Variants in CEP104 observed in about 807,000 individuals in gnomAD.
CEP104 encodes the protein centrosomal protein of 104 kDa.
Under a neutral mutation model 113.3 loss-of-function variants are expected in CEP104, and 84 were observed. That is an observed-to-expected ratio of 0.74 (90% CI 0.62 to 0.89). CEP104 has a LOEUF of 0.89. Ranked by LOEUF, CEP104 falls within the 40% of genes least tolerant of loss-of-function variation. The probability of loss-of-function intolerance (pLI) is 0.00; values close to 1 mark genes in which losing one functional copy is unlikely to be tolerated. For synonymous variants in CEP104, 378 were observed against 421.7 expected (o/e 0.90, Z 1.27); for missense variants, 1,053 against 1,156.6 (o/e 0.91, Z 1.30).
At chr1:3,827,950 G>A (rs143775698) in intron 15 of CEP104, among the ~76,000 whole-genome samples, 255 of 152,256 alleles carry the variant, frequency 1.7e-3, no homozygotes, top group African/African-American at 5.6e-3. Flanking sequence ...CATAAACACC[G>A]AGCCAATGAG....
At chr1:3,840,703 T>C (rs2124679606) in intron 6 of CEP104, among the ~76,000 whole-genome samples, 1 of 152,254 alleles carries the variant, frequency 6.6e-6, no homozygotes, top group South Asian at 2.1e-4. Flanking sequence ...CATGCCTGGC[T>C]AATTTTTTGT....
Position 3,823,324 on chromosome 1 carries a change from T to C in CEP104, c.2504-83A>G, listed in dbSNP as rs1570774461. ...TGCTGGCCTGCCCGCAGGTGCCCTT[T>C]AATTCACCAAGCCCTTGCACAGGCT... On this transcript the variant is annotated intron_variant, in intron 19 of 21. Coordinates refer to ENST00000378230, the MANE Select transcript of CEP104 (RefSeq NM_014704.4). The surrounding 1 kb of genome is among the most constrained non-coding windows in gnomAD (Gnocchi z 4.1). 1.6e-5 allele frequency: 26 copies of C among 1,609,984 alleles called. No homozygotes were observed. In the South Asian group the frequency reaches 2.7e-4, roughly 17 times the overall value.
chr1:3,839,546 C>A, intron 7 of CEP104, 62 bp downstream of exon 7: 1 of 1,424,964 alleles, frequency 7.0e-7, no homozygotes, highest in East Asian at 2.3e-5. Context: ...TGTAGTTATT[C>A]TAAGTATACA....
chr1:3,837,597 T>G lies in CEP104; in HGVS notation c.892-78A>C. On this transcript the variant is annotated intron_variant, in intron 8 of 21. Coordinates refer to ENST00000378230, the MANE Select transcript of CEP104 (RefSeq NM_014704.4). ...TATCTATCTCATTCCTTCAGATGAA[T>G]AAGACTTTAGAAAGCTGTGCTGGAA... 3 of 1,266,732 alleles carry G rather than the reference T, an allele frequency of 2.4e-6. No individual in the cohort carries two copies. In the South Asian group the frequency reaches 3.9e-5, roughly 17 times the overall value. 78.5% of individuals were successfully genotyped at this position (1,266,732 alleles called of 1,614,324 possible). A position where few individuals can be genotyped will look rare whatever the true frequency, so the allele number is the denominator to read the frequency against.
At chr1:3,838,906 C>T in intron 8 of CEP104, 58 bp downstream of exon 8, 1 of 1,579,352 alleles carries the variant, frequency 6.3e-7, no homozygotes, top group Non-Finnish European at 8.7e-7. Context: ...GTGAACCACA[C>T]AGTTGAATCT....
chr1:3,822,199 A>G (rs1384672954), intron 20 of CEP104, among the ~76,000 whole-genome samples: 1 of 149,644 alleles, frequency 6.7e-6, no homozygotes, highest in Non-Finnish European at 1.5e-5. Context: ...GTACTCTGTG[A>G]TGCATTTCAA....
intron 15 of CEP104, among the ~76,000 whole-genome samples, chr1:3,828,749 A>G (rs370013522): frequency 5.0e-4 from 76 of 152,282 alleles, no homozygotes; most frequent in African/African-American, 1.7e-3. Flanking sequence ...AATTAGTGTT[A>G]TGAAGCTAAT....
rs753327824 is a variant in CEP104, at chr1:3,833,938, C to G, written c.1583G>C (p.Arg528Thr). Reference protein sequence around the residue: ...SKLETAHCVERTIPVLLTRTG... With the variant: ...SKLETAHCVETTIPVLLTRTG... ...TCTGGTGAGCAAAACGGGAATGGTC[C>G]TCTCCACACAGTGAGCTGTTTCAAG... is the stretch of plus-strand genomic sequence containing the variant. The change falls in exon 12 of 22, where the codon AGG (arginine) becomes ACG (threonine). Residue 528 changes from arginine to threonine, a missense_variant. Transcript: ENST00000378230. 5.9e-5 allele frequency: 96 copies of G among 1,614,010 alleles called. No homozygotes were observed. In the Admixed American group the frequency reaches 1.5e-3, roughly 25 times the overall value.
At chr1:3,853,659 T>C (rs1644658663) in intron 1 of CEP104, among the ~76,000 whole-genome samples, 1 of 152,232 alleles carries the variant, frequency 6.6e-6, no homozygotes, top group East Asian at 1.9e-4. Flanking sequence ...TCTTGGAATG[T>C]ATGAACAAAA....
At chr1:3,841,770 C>G (rs913372040) in intron 6 of CEP104, among the ~76,000 whole-genome samples, 2 of 152,236 alleles carry the variant, frequency 1.3e-5, no homozygotes, top group African/African-American at 4.8e-5. Context: ...GCCATCCCAC[C>G]TGGCTGATTG....
chr1:3,816,267 C>T lies in CEP104; in HGVS notation c.2662+13G>A, dbSNP rs369179178. On this transcript the variant is annotated intron_variant, in intron 21 of 21. Transcript: ENST00000378230. ...GATGCAGACTACACCTGCTCAGCGG[C>T]GCTGTCCCTCACCTGGCTGCAGTGC... The T allele has an allele frequency of 3.1e-5, 48 of 1,548,838 alleles. No homozygotes were observed. Among genetic ancestry groups the T allele is most frequent in the Admixed American group, 9.8e-5 (5 of 50,778 alleles).
intron 11 of CEP104, 114 bp downstream of exon 11, chr1:3,834,811 T>G: frequency 1.1e-6 from 1 of 882,908 alleles, no homozygotes; most frequent in Non-Finnish European, 1.7e-6. Context: ...GAGTTACAGT[T>G]GGTGACCACG....
rs1287707112 is a variant in CEP104 at position 3,857,007 on chromosome 1, C to G, written c.-133G>C. 4 of 152,102 alleles carry G rather than the reference C, an allele frequency of 2.6e-5. No homozygotes were observed. The highest frequency in any genetic ancestry group is 9.6e-5 in the African/African-American group (4 of 41,520). 9.4% of individuals were successfully genotyped at this position (152,102 alleles called of 1,614,324 possible). A position where few individuals can be genotyped will look rare whatever the true frequency, so the allele number is the denominator to read the frequency against. On this transcript the variant is annotated 5_prime_UTR_variant, in exon 1 of 22. Transcript: ENST00000378230. ...AGGCGGCGCCTCAGCACCCGGACCC[C>G]AGGGGCGTGCGGGACCCGGCTCTCG...
intron 11 of CEP104, among the ~76,000 whole-genome samples, chr1:3,834,440 T>A (rs1444021477): frequency 1.3e-5 from 2 of 151,096 alleles, no homozygotes; most frequent in Admixed American, 6.6e-5. Flanking sequence ...GTATCTAACA[T>A]CCCTGCTTCA....
rs6702935 is a variant in CEP104, at chr1:3,816,143, T to C, written c.2662+137A>G. The stretch of plus-strand genomic sequence containing the variant: ...GCCTGCTTACTAAGGAACCAGAACA[T>C]GAAGACAGGCTTGGATGCTTTATTT... On this transcript the variant is annotated intron_variant, in intron 21 of 21. Transcript: ENST00000378230. 0.59 allele frequency: 411,307 copies of C among 696,150 alleles called. 124,789 individuals carry two copies. The highest frequency in any genetic ancestry group is 0.86 in the African/African-American group (47,058 of 54,600). The allele number at this position is 696,150 out of a possible 1,614,324, so 43.1% of individuals were successfully genotyped here. A position where few individuals can be genotyped will look rare whatever the true frequency, so the allele number is the denominator to read the frequency against.
chr1:3,832,841 C>T (rs934322629), intron 12 of CEP104, among the ~76,000 whole-genome samples: 7 of 152,042 alleles, frequency 4.6e-5, no homozygotes, highest in Admixed American at 6.6e-5. Context: ...TCAGCATGCC[C>T]GGCTAATTTT....
At chr1:3,825,945 A>G in intron 17 of CEP104, 79 bp from the exon 18 acceptor site, 2 of 964,476 alleles carry the variant, frequency 2.1e-6, no homozygotes, top group Non-Finnish European at 3.3e-6. Context: ...GTCACGAGGA[A>G]ATTCTGAATT....
At chr1:3,830,979 TCGCCACGCTC>T in intron 13 of CEP104, 57 bp downstream of exon 13, 1 of 1,452,204 alleles carries the variant, frequency 6.9e-7, no homozygotes, top group Non-Finnish European at 9.4e-7. Flanking sequence ...GATGAGACCC[TCGCCACGCTC>T]CAGGCACTGT....
At chr1:3,832,098 C>T (rs569809352) in intron 12 of CEP104, among the ~76,000 whole-genome samples, 4 of 152,366 alleles carry the variant, frequency 2.6e-5, no homozygotes, top group African/African-American at 7.2e-5. Context: ...CACCAAACTG[C>T]TCAGAAATTA....
Sources: gnomAD v4.1 joint callset for allele counts (sites outside exome capture counted in the v4.1 genomes callset) on GRCh38, gnomAD v4.1.1 for gene constraint, Gnocchi (gnomAD v3.1) non-coding constraint, MANE v1.5 for transcripts, NCBI Gene and HGNC (gene_info 2026-07-23, HGNC 2026-07-21) for gene names.